The following SLC38A6 variants were observed in gnomAD, a reference collection of about 807,000 sequenced individuals.
SLC38A6 encodes solute carrier family 38 member 6.
A neutral mutation model predicts 65.0 loss-of-function variants in SLC38A6; 73 were observed. The observed-to-expected ratio is 1.12, with a 90% CI of 0.93 to 1.37. The LOEUF is 1.37. Ranked by LOEUF, SLC38A6 falls within the 40% of genes most tolerant of loss-of-function variation. The pLI, the probability that SLC38A6 is intolerant of heterozygous loss-of-function variation, is 0.00. For synonymous variants in SLC38A6, 183 were observed against 178.8 expected, an observed-to-expected ratio of 1.02 and a Z score of -0.19; for missense variants, 561 against 531.1, an observed-to-expected ratio of 1.06 and a Z score of -0.55.
chr14:61,019,443 A>T, intron 4 of SLC38A6, 98 bp from the exon 5 acceptor site: 7 of 1,176,554 alleles, frequency 5.9e-6, no homozygotes, highest in Non-Finnish European at 7.3e-6. Flanking sequence ...CAACTTCTGC[A>T]TCTGCTTTTT....
At chr14:61,051,046 T>G (rs1022267758) in intron 13 of SLC38A6, among the ~76,000 whole-genome samples, 2 of 152,202 alleles carry the variant, frequency 1.3e-5, no homozygotes, top group African/African-American at 2.4e-5. Context: ...AGCATTCTAG[T>G]TCAATCTTGG....
rs112665260 is a variant in SLC38A6, at chr14:61,036,592, C to T, written c.483-467C>T. Among the ~76,000 whole-genome samples, 519 of 152,092 alleles carry T rather than the reference C, an allele frequency of 3.4e-3. 5 individuals are homozygous for T. Among genetic ancestry groups the T allele is most frequent in the African/African-American group, 0.012 (494 of 41,478 alleles). ...GCCTGCACATTCTGCACATGTTCTA[C>T]GGAACTTAAATAAAATAAAAATTTA... On this transcript the variant is annotated intron_variant, in intron 6 of 15. Coordinates refer to ENST00000267488, the MANE Select transcript of SLC38A6 (RefSeq NM_153811.3).
chr14:61,039,839 T>A (rs1043224568), intron 8 of SLC38A6, among the ~76,000 whole-genome samples: 9 of 152,196 alleles, frequency 5.9e-5, no homozygotes, highest in South Asian at 2.1e-4. Context: ...TCATATTTTT[T>A]AAAAATCAGT....
At chr14:60,988,115 T>C (rs543094460) in intron 3 of SLC38A6, among the ~76,000 whole-genome samples, 4 of 152,324 alleles carry the variant, frequency 2.6e-5, no homozygotes, top group African/African-American at 7.2e-5. Context: ...AACATTTCTG[T>C]CTGTTTCTTA....
At chr14:61,026,649 T>C (rs1389061848) in intron 5 of SLC38A6, among the ~76,000 whole-genome samples, 2 of 151,936 alleles carry the variant, frequency 1.3e-5, no homozygotes, top group African/African-American at 4.8e-5. Context: ...TATTTGTCTT[T>C]GTTTTGTTGG....
At chr14:61,078,692 A>AC (rs2043517870) in intron 15 of SLC38A6, 1 of 152,658 alleles carries the variant, frequency 6.6e-6, no homozygotes, top group Admixed American at 6.6e-5. Flanking sequence ...GTTTTGGAAA[A>AC]TTCCTCATGC....
chr14:61,000,662 T>G, intron 3 of SLC38A6, among the ~76,000 whole-genome samples: 1 of 152,140 alleles, frequency 6.6e-6, no homozygotes, highest in East Asian at 1.9e-4. Flanking sequence ...TTTACATAGC[T>G]TATCAAATAC....
chr14:61,004,378 T>G (rs943733278), intron 3 of SLC38A6: 1 of 152,168 alleles, frequency 6.6e-6, no homozygotes, highest in African/African-American at 2.4e-5. Context: ...AGCAGGTGTT[T>G]GATATATCCC....
At chr14:61,005,103 T>C (rs1487992146) in intron 3 of SLC38A6, among the ~76,000 whole-genome samples, 1 of 152,176 alleles carries the variant, frequency 6.6e-6, no homozygotes, top group Non-Finnish European at 1.5e-5. Context: ...TTTATCTCAA[T>C]AGATGCAGAA....
intron 3 of SLC38A6, among the ~76,000 whole-genome samples, chr14:61,007,270 A>G (rs1217605338): frequency 2.0e-5 from 3 of 152,040 alleles, no homozygotes; most frequent in South Asian, 2.1e-4. Flanking sequence ...ACATGTATAC[A>G]TATGTATCTA....
intron 15 of SLC38A6, among the ~76,000 whole-genome samples, chr14:61,063,156 A>ATTT (rs2042911699): frequency 6.6e-6 from 1 of 152,206 alleles, no homozygotes; most frequent in Non-Finnish European, 1.5e-5. Context: ...TTTATATACA[A>ATTT]AATTGATTCT....
chr14:61,023,391 T>A (rs990092016), intron 5 of SLC38A6, among the ~76,000 whole-genome samples: 15 of 151,798 alleles, frequency 9.9e-5, no homozygotes, highest in African/African-American at 3.4e-4. Context: ...GGCAACATGG[T>A]GAAACCCAGT....
chr14:60,982,235 A>G (rs1428750719), intron 1 of SLC38A6: 2 of 506,874 alleles, frequency 3.9e-6, no homozygotes, highest in Admixed American at 4.5e-5. Context: ...CATCTCTTGC[A>G]GTCACAAGGT....
intron 3 of SLC38A6, chr14:61,004,718 C>A (rs192009430): frequency 5.8e-4 from 88 of 152,352 alleles, no homozygotes; most frequent in East Asian, 5.0e-3. Flanking sequence ...CAAAAAGAAT[C>A]CAGGACCAGA....
intron 5 of SLC38A6, among the ~76,000 whole-genome samples, chr14:61,028,437 T>G (rs1378800115): frequency 6.6e-6 from 1 of 152,156 alleles, no homozygotes; most frequent in East Asian, 1.9e-4. Context: ...GTTCACAATT[T>G]TTATCTTTGC....
chr14:61,006,487 AAAC>A (rs989055557), intron 3 of SLC38A6, among the ~76,000 whole-genome samples: 4 of 152,212 alleles, frequency 2.6e-5, no homozygotes, highest in Non-Finnish European at 5.9e-5. Flanking sequence ...TACAGGAAAA[AAAC>A]AACCCCATCA....
At chr14:61,008,393 G>T (rs1380021166) in intron 3 of SLC38A6, among the ~76,000 whole-genome samples, 1 of 152,062 alleles carries the variant, frequency 6.6e-6, no homozygotes, top group African/African-American at 2.4e-5. Context: ...GATTATGAAA[G>T]TACCGAGGAG....
chr14:61,071,927 C>T (rs1040312512), intron 15 of SLC38A6, among the ~76,000 whole-genome samples: 18 of 152,106 alleles, frequency 1.2e-4, no homozygotes, highest in Admixed American at 3.3e-4. Flanking sequence ...CCATGAGTGG[C>T]GTTTCTGATG....
chr14:60,991,293 C>T (rs942340620), intron 3 of SLC38A6, among the ~76,000 whole-genome samples: 1 of 152,180 alleles, frequency 6.6e-6, no homozygotes, highest in Non-Finnish European at 1.5e-5. Context: ...TCACTGGTTT[C>T]AGTCACACTT....
Sources: gnomAD v4.1 joint callset for allele counts (sites outside exome capture counted in the v4.1 genomes callset) on GRCh38, gnomAD v4.1.1 for gene constraint, MANE v1.5 for transcripts, NCBI Gene and HGNC (gene_info 2026-07-23, HGNC 2026-07-21) for gene names.